The following PPP3CA variants were observed in gnomAD, a reference collection of about 807,000 sequenced individuals.
The protein encoded by PPP3CA is protein phosphatase 3 catalytic subunit alpha, also known as CAM-PRP catalytic subunit.
In PPP3CA, 14 loss-of-function variants were observed where a neutral mutation model predicts 66.5. That is an observed-to-expected ratio of 0.21 (90% CI 0.14 to 0.33). PPP3CA has a LOEUF of 0.33. Among genes scored for constraint, PPP3CA ranks in the 10% least tolerant of loss-of-function variants. PPP3CA has a pLI of 1.00. For missense variants in PPP3CA, 317 were observed against 639.5 expected, an observed-to-expected ratio of 0.50 and a Z score of 5.44; for synonymous variants, 232 against 226.2, an observed-to-expected ratio of 1.03 and a Z score of -0.23.
intron 1 of PPP3CA, among the ~76,000 whole-genome samples, chr4:101,291,617 A>G (rs1275954087): frequency 6.6e-6 from 1 of 152,244 alleles, no homozygotes; most frequent in Non-Finnish European, 1.5e-5. Flanking sequence ...CACTGAGAAT[A>G]AGATTAATAA....
At chr4:101,298,127 T>G (rs1036917923) in intron 1 of PPP3CA, among the ~76,000 whole-genome samples, 1 of 152,010 alleles carries the variant, frequency 6.6e-6, no homozygotes, top group Non-Finnish European at 1.5e-5. Context: ...TTCTCCTATA[T>G]ATATCCTAGG....
At chr4:101,152,069 CA>C (rs1242401521) in intron 2 of PPP3CA, among the ~76,000 whole-genome samples, 1 of 152,156 alleles carries the variant, frequency 6.6e-6, no homozygotes, top group African/African-American at 2.4e-5. Context: ...TGAGTTGCTA[CA>C]AATTTGAAAC....
chr4:101,135,477 G>GA (rs1321493690), intron 2 of PPP3CA, among the ~76,000 whole-genome samples: 1 of 152,126 alleles, frequency 6.6e-6, no homozygotes, highest in Non-Finnish European at 1.5e-5. Context: ...TGTTTTATAA[G>GA]AAAAACGGAG....
At chr4:101,195,829 G>A (rs1333023193) in intron 2 of PPP3CA, 87 bp downstream of exon 2, 1 of 1,126,760 alleles carries the variant, frequency 8.9e-7, no homozygotes, top group Admixed American at 2.1e-5. Context: ...GGTATTTGAA[G>A]ACTCACTGGT....
intron 1 of PPP3CA, among the ~76,000 whole-genome samples, chr4:101,312,272 A>C (rs565774060): frequency 6.6e-6 from 1 of 152,166 alleles, no homozygotes; most frequent in Non-Finnish European, 1.5e-5. Flanking sequence ...TTGTAAGTAC[A>C]GATGTTCCTC....
intron 2 of PPP3CA, among the ~76,000 whole-genome samples, chr4:101,128,131 A>G (rs1222482288): frequency 6.6e-6 from 1 of 152,196 alleles, no homozygotes; most frequent in African/African-American, 2.4e-5. Context: ...TCCTAATAAG[A>G]GGCTATGTGC....
At position 101,127,499 on chromosome 4, in the gene PPP3CA, C is replaced by G. The variant is rs115543546; in HGVS notation, c.260-18421G>C. Among the ~76,000 whole-genome samples the G allele has an allele frequency of 9.7e-4, 147 of 152,082 alleles. 1 individual carries two copies. Among genetic ancestry groups the G allele is most frequent in the African/African-American group, 3.4e-3 (143 of 41,490 alleles). Reference sequence around the variant, plus strand: ...GAGGCAGAAAATGGAATCTTGCTGTCACAAGCCAAAAAAAGGCCTGGAGCT... The same window carrying G: ...GAGGCAGAAAATGGAATCTTGCTGTGACAAGCCAAAAAAAGGCCTGGAGCT... On this transcript the variant is annotated intron_variant, in intron 2 of 13. Transcript: ENST00000394854.
At chr4:101,328,361 C>G (rs1238392049) in intron 1 of PPP3CA, among the ~76,000 whole-genome samples, 3 of 152,196 alleles carry the variant, frequency 2.0e-5, no homozygotes, top group Admixed American at 2.0e-4. Flanking sequence ...ACTAGGCTAA[C>G]CCTAAACATT....
At chr4:101,305,092 C>T (rs1728492185) in intron 1 of PPP3CA, among the ~76,000 whole-genome samples, 1 of 152,206 alleles carries the variant, frequency 6.6e-6, no homozygotes, top group Non-Finnish European at 1.5e-5. Context: ...AGGGTTAGAA[C>T]AAGAGACAGC....
At chr4:101,127,536 G>C (rs1268467860) in intron 2 of PPP3CA, among the ~76,000 whole-genome samples, 1 of 152,118 alleles carries the variant, frequency 6.6e-6, no homozygotes, top group African/African-American at 2.4e-5. Flanking sequence ...CCAGAAGCTG[G>C]AAGAGGCAAG....
intron 1 of PPP3CA, among the ~76,000 whole-genome samples, chr4:101,301,781 G>A (rs751096072): frequency 1.5e-4 from 23 of 148,654 alleles, no homozygotes; most frequent in Admixed American, 1.0e-3. Flanking sequence ...GTGAACCACC[G>A]CGTCCAGCTT....
At position 101,179,982 on chromosome 4, in the gene PPP3CA, A is replaced by T. The variant is rs148557148; in HGVS notation, c.259+15934T>A. On this transcript the variant is annotated intron_variant, in intron 2 of 13. Coordinates refer to ENST00000394854, the MANE Select transcript of PPP3CA (RefSeq NM_000944.5). ...AGTCACCTCCATACTGTTAGTGCAG[A>T]TAGTTATAATCTGCACTTGTAGTAC... Among the ~76,000 whole-genome samples the T allele has an allele frequency of 1.5e-3, 225 of 152,244 alleles. 9 individuals are homozygous for T. The East Asian group carries it at 0.025, about 17-fold the overall frequency.
intron 10 of PPP3CA, among the ~76,000 whole-genome samples, chr4:101,040,919 G>C (rs1377396455): frequency 1.3e-5 from 2 of 152,126 alleles, no homozygotes. Context: ...CCACGCATTG[G>C]GAGGAAGAGT....
chr4:101,090,270 A>T (rs1729854626), intron 6 of PPP3CA, among the ~76,000 whole-genome samples: 1 of 152,238 alleles, frequency 6.6e-6, no homozygotes, highest in Admixed American at 6.5e-5. Context: ...CAGTCTATAT[A>T]TAGGCCACAG....
chr4:101,346,598 G>C, intron 1 of PPP3CA, 141 bp downstream of exon 1: 1 of 709,822 alleles, frequency 1.4e-6, no homozygotes, highest in East Asian at 3.2e-5. Flanking sequence ...TTCGCGGGTT[G>C]CACAATATCC....
intron 1 of PPP3CA, among the ~76,000 whole-genome samples, chr4:101,322,764 G>A (rs1729081758): frequency 1.3e-5 from 2 of 151,942 alleles, no homozygotes; most frequent in African/African-American, 2.4e-5. Flanking sequence ...GGAACTATGA[G>A]AAATAAATTT....
chr4:101,249,838 T>C (rs1175712854), intron 1 of PPP3CA, among the ~76,000 whole-genome samples: 1 of 152,146 alleles, frequency 6.6e-6, no homozygotes, highest in African/African-American at 2.4e-5. Flanking sequence ...TTGTTAGTAT[T>C]TTATATTATT....
chr4:101,178,848 C>G (rs1724146554), intron 2 of PPP3CA, among the ~76,000 whole-genome samples: 3 of 152,090 alleles, frequency 2.0e-5, no homozygotes, highest in African/African-American at 2.4e-5. Flanking sequence ...TATTGCCCCT[C>G]TTGTCCTAAT....
At chr4:101,328,378 A>G (rs1036247982) in intron 1 of PPP3CA, among the ~76,000 whole-genome samples, 1 of 152,230 alleles carries the variant, frequency 6.6e-6, no homozygotes, top group African/African-American at 2.4e-5. Flanking sequence ...CATTCATCAT[A>G]GTACAAGAAT....
Sources: gnomAD v4.1 joint callset for allele counts (sites outside exome capture counted in the v4.1 genomes callset) on GRCh38, gnomAD v4.1.1 for gene constraint, MANE v1.5 for transcripts, NCBI Gene and HGNC (gene_info 2026-07-23, HGNC 2026-07-21) for gene names.